The following HYDIN variants were observed in gnomAD, a reference collection of about 807,000 sequenced individuals.
HYDIN encodes the protein axonemal central pair apparatus protein HYDIN.
Under a neutral mutation model 403.9 loss-of-function variants are expected in HYDIN, and 132 were observed. That is an observed-to-expected ratio of 0.33 (90% CI 0.28 to 0.38). HYDIN has a LOEUF of 0.38. Ranked by LOEUF, HYDIN falls within the 10% of genes least tolerant of loss-of-function variation. The probability of loss-of-function intolerance (pLI) is 1.00; values close to 1 mark genes in which losing one functional copy is unlikely to be tolerated. For missense variants in HYDIN, 2,827 were observed against 5,009.5 expected, an observed-to-expected ratio of 0.56 and a Z score of 13.15; for synonymous variants, 1,202 against 1,891.7, an observed-to-expected ratio of 0.64 and a Z score of 9.46.
intron 28 of HYDIN, 121 bp from the exon 29 acceptor site, chr16:70,981,689 G>A: frequency 1.5e-6 from 2 of 1,366,816 alleles, no homozygotes; most frequent in Non-Finnish European, 9.5e-7. Context: ...AAGGAAAGGA[G>A]TAAGAGATTT....
At chr16:70,853,013 A>G (rs76057145) in intron 73 of HYDIN, among the ~76,000 whole-genome samples, 5 of 512 alleles carry the variant, frequency 9.8e-3, no homozygotes. Flanking sequence ...ATCTCTACTA[A>G]AAAAAAAAAA....
intron 36 of HYDIN, among the ~76,000 whole-genome samples, chr16:70,967,091 G>A (rs1482640017): frequency 1.3e-5 from 2 of 151,980 alleles, no homozygotes; most frequent in African/African-American, 4.8e-5. Context: ...GCTCACAAGA[G>A]GGAATTAAGA....
intron 18 of HYDIN, among the ~76,000 whole-genome samples, chr16:71,054,283 T>A (rs1411076333): frequency 6.6e-6 from 1 of 152,306 alleles, no homozygotes; most frequent in Admixed American, 6.5e-5. Context: ...TTTCTTTCCT[T>A]TTTCCTTATG....
intron 73 of HYDIN, chr16:70,852,645 C>T (rs1363267671): frequency 6.7e-6 from 1 of 150,042 alleles, no homozygotes; most frequent in East Asian, 2.0e-4. Flanking sequence ...TGGAAAGAGA[C>T]ATGAAGAGAC....
At chr16:71,215,901 G>A (rs2088853898) in intron 1 of HYDIN, among the ~76,000 whole-genome samples, 1 of 151,900 alleles carries the variant, frequency 6.6e-6, no homozygotes, top group African/African-American at 2.4e-5. Flanking sequence ...AAAAAACAGG[G>A]AAATGTAATT....
chr16:71,077,361 T>G (rs551035482), intron 13 of HYDIN, among the ~76,000 whole-genome samples: 2 of 151,844 alleles, frequency 1.3e-5, no homozygotes, highest in Admixed American at 6.6e-5. Flanking sequence ...GGTTATTTTA[T>G]AGTTTTATAT....
intron 85 of HYDIN, among the ~76,000 whole-genome samples, chr16:70,808,943 A>G (rs950359191): frequency 2.4e-4 from 37 of 152,358 alleles, no homozygotes; most frequent in Non-Finnish European, 4.4e-5. Context: ...AGGGCAGAGC[A>G]TCGGGACAGA....
intron 18 of HYDIN, among the ~76,000 whole-genome samples, chr16:71,046,906 T>G (rs2081468696): frequency 6.6e-6 from 1 of 152,156 alleles, no homozygotes; most frequent in South Asian, 2.1e-4. Flanking sequence ...GACAGCCATC[T>G]CTTAAAAGGG....
rs66689823 is a variant in HYDIN at position 71,061,861 on chromosome 16, A to AGTGTGTGTGTGTGTGT, written c.2376+292_2376+307dup. On this transcript the variant is annotated intron_variant, in intron 17 of 85. Coordinates refer to ENST00000393567, the MANE Select transcript of HYDIN (RefSeq NM_001270974.2). ...TGGAGAGGGGTCAGGCATGTGTGAC[A>AGTGTGTGTGTGTGTGT]GTGTGTGTGTGTGTGTGTGTGTGTG... Among the ~76,000 whole-genome samples, 1,281 of 144,076 alleles carry AGTGTGTGTGTGTGTGT rather than the reference A, an allele frequency of 8.9e-3. 21 individuals carry two copies. Among genetic ancestry groups the AGTGTGTGTGTGTGTGT allele is most frequent in the African/African-American group, 0.032 (1,207 of 38,104 alleles). 94.5% of individuals were successfully genotyped at this position (144,076 alleles called of 152,430 possible). A position where few individuals can be genotyped will look rare whatever the true frequency, so the allele number is the denominator to read the frequency against.
chr16:70,921,103 C>T lies in HYDIN; in HGVS notation c.7273G>A (p.Gly2425Ser), dbSNP rs746139483. 13 of 1,559,816 alleles carry T rather than the reference C, an allele frequency of 8.3e-6. No individual in the cohort carries two copies. The African/African-American group carries it at 1.4e-4, about 16-fold the overall frequency. ...EELNKKKRNM[G>S]DVSMHGLPLV... ...GGAAGCCCATGCATGCTGACATCGCCCATGTTCCTTTTCTTCTTATTTAGC... is the reference window on the plus strand; with the variant it reads ...GGAAGCCCATGCATGCTGACATCGCTCATGTTCCTTTTCTTCTTATTTAGC... Residue 2425 changes from glycine (G) to serine (S), a missense_variant, in exon 46 of 86, where the codon GGC (glycine) becomes AGC (serine). Gly to Ser is a moderately conservative substitution (Grantham distance 56). Transcript: ENST00000393567.
chr16:70,849,081 G>A (rs1300939030), intron 75 of HYDIN, among the ~76,000 whole-genome samples: 1 of 152,036 alleles, frequency 6.6e-6, no homozygotes, highest in Non-Finnish European at 1.5e-5. Flanking sequence ...GGGGGCTTTT[G>A]GGGAGTTGCA....
At chr16:70,945,461 G>A (rs192094527) in intron 41 of HYDIN, among the ~76,000 whole-genome samples, 190 of 152,280 alleles carry the variant, frequency 1.2e-3, no homozygotes, top group African/African-American at 4.5e-3. Flanking sequence ...ACCTGCACTC[G>A]GGAAGAAATT....
chr16:71,062,087 T>C (rs529407763), intron 17 of HYDIN, 82 bp downstream of exon 17: 1 of 1,137,516 alleles, frequency 8.8e-7, no homozygotes, highest in Non-Finnish European at 1.3e-6. Flanking sequence ...GTGAATATGG[T>C]GTGGGCCTCA....
At chr16:71,021,915 G>A (rs916715064) in intron 21 of HYDIN, among the ~76,000 whole-genome samples, 3 of 152,024 alleles carry the variant, frequency 2.0e-5, no homozygotes, top group Admixed American at 1.3e-4. Context: ...CCCTTGGCTC[G>A]AGCCTCATGC....
intron 23 of HYDIN, among the ~76,000 whole-genome samples, chr16:71,009,101 T>G (rs1394204472): frequency 3.4e-5 from 5 of 148,378 alleles, no homozygotes; most frequent in Admixed American, 2.8e-4. Context: ...GACACAGGAT[T>G]CAACCAGTGC....
chr16:70,890,843 C>G (rs2041422134), intron 57 of HYDIN, among the ~76,000 whole-genome samples: 1 of 151,946 alleles, frequency 6.6e-6, no homozygotes, highest in Non-Finnish European at 1.5e-5. Flanking sequence ...CAGGCAATAA[C>G]AATAATAGTC....
chr16:71,224,478 T>C (rs1007613027), intron 1 of HYDIN, among the ~76,000 whole-genome samples: 2 of 152,168 alleles, frequency 1.3e-5, no homozygotes, highest in African/African-American at 4.8e-5. Flanking sequence ...AATTTGCAAA[T>C]TGTTCTTTGC....
chr16:71,028,579 C>T (rs1238036175), intron 19 of HYDIN, among the ~76,000 whole-genome samples: 3 of 150,094 alleles, frequency 2.0e-5, no homozygotes, highest in Non-Finnish European at 3.0e-5. Context: ...TTTTTTTTTC[C>T]CCACAGGCTT....
At chr16:70,999,885 G>A (rs996191784) in intron 23 of HYDIN, among the ~76,000 whole-genome samples, 6 of 152,168 alleles carry the variant, frequency 3.9e-5, no homozygotes, top group Admixed American at 3.3e-4. Context: ...CTACCTCGAA[G>A]CTCTCTAGTC....
Sources: gnomAD v4.1 joint callset for allele counts (sites outside exome capture counted in the v4.1 genomes callset) on GRCh38, gnomAD v4.1.1 for gene constraint, MANE v1.5 for transcripts, NCBI Gene and HGNC (gene_info 2026-07-23, HGNC 2026-07-21) for gene names.